CERS6: variants seen among roughly 807,000 people sequenced by gnomAD.
CERS6 encodes ceramide synthase 6.
CERS6 carries 26 observed loss-of-function variants against 56.8 expected under a neutral mutation model. The observed-to-expected ratio is 0.46, with a 90% CI of 0.34 to 0.63. The LOEUF is 0.63. CERS6 is among the 30% of genes least tolerant of loss of function. The pLI, the probability that CERS6 is intolerant of heterozygous loss-of-function variation, is 0.01. For synonymous variants in CERS6, 164 were observed against 173.3 expected, an observed-to-expected ratio of 0.95 and a Z score of 0.42; for missense variants, 415 against 467.5, an observed-to-expected ratio of 0.89 and a Z score of 1.04.
chr2:168,673,535 A>T (rs1353599018), intron 4 of CERS6, among the ~76,000 whole-genome samples: 1 of 152,204 alleles, frequency 6.6e-6, no homozygotes, highest in Non-Finnish European at 1.5e-5. Flanking sequence ...GGTGAAATTT[A>T]GGGCTTGAAG....
intron 8 of CERS6, among the ~76,000 whole-genome samples, chr2:168,748,362 C>T (rs1209990826): frequency 6.6e-6 from 1 of 152,114 alleles, no homozygotes; most frequent in East Asian, 1.9e-4. Flanking sequence ...CAAGAGAGTG[C>T]CTTGTCCTGT....
At chr2:168,676,951 C>T (rs114295337) in intron 4 of CERS6, among the ~76,000 whole-genome samples, 2,002 of 150,814 alleles carry the variant, frequency 0.013, 24 homozygotes, top group Middle Eastern at 0.031. Flanking sequence ...GTCTTGTTTC[C>T]TGCTAAGCCT....
intron 8 of CERS6, among the ~76,000 whole-genome samples, chr2:168,747,838 A>AACAC (rs35177635): frequency 0.1 from 15,570 of 149,974 alleles, 809 homozygotes; most frequent in Middle Eastern, 0.11. Context: ...CTCACACATA[A>AACAC]ACACACACAC....
At chr2:168,645,871 T>G (rs1449295689) in intron 4 of CERS6, among the ~76,000 whole-genome samples, 2 of 139,646 alleles carry the variant, frequency 1.4e-5, no homozygotes, top group Admixed American at 1.5e-4. Flanking sequence ...GACATGCTCT[T>G]GTTCTTTTTT....
At chr2:168,644,918 C>T (rs1450749092) in intron 4 of CERS6, among the ~76,000 whole-genome samples, 3 of 150,256 alleles carry the variant, frequency 2.0e-5, no homozygotes, top group East Asian at 2.0e-4. Flanking sequence ...ATGGGGAAAC[C>T]CCGTCTCTAT....
chr2:168,545,262 C>A (rs925119425), intron 1 of CERS6, among the ~76,000 whole-genome samples: 1 of 152,006 alleles, frequency 6.6e-6, no homozygotes, highest in African/African-American at 2.4e-5. Flanking sequence ...TCTCCATAGC[C>A]AGATAGCAGC....
At chr2:168,668,152 C>T (rs911242071) in intron 4 of CERS6, among the ~76,000 whole-genome samples, 1 of 152,174 alleles carries the variant, frequency 6.6e-6, no homozygotes, top group African/African-American at 2.4e-5. Flanking sequence ...GATTACCAGC[C>T]TCTTTTCTGA....
chr2:168,504,259 G>T (rs1046481676), intron 1 of CERS6, among the ~76,000 whole-genome samples: 7 of 152,026 alleles, frequency 4.6e-5, no homozygotes, highest in African/African-American at 1.4e-4. Flanking sequence ...AATTAGCTGG[G>T]TCTTTAGTGT....
At chr2:168,768,904 C>CAAAAAAAAA (rs765504573) in intron 9 of CERS6, among the ~76,000 whole-genome samples, 1 of 59,412 alleles carries the variant, frequency 1.7e-5, no homozygotes, top group Non-Finnish European at 3.6e-5. Flanking sequence ...GACTCTGACT[C>CAAAAAAAAA]AAAAAAAAAA....
rs74558296 is a variant in CERS6 at position 168,669,736 on chromosome 2, C to T, written c.466-21298C>T. Among the ~76,000 whole-genome samples the T allele has an allele frequency of 0.014, 2,202 of 152,180 alleles. 111 individuals carry two copies. The East Asian group carries it at 0.16, about 11-fold the overall frequency. On this transcript the variant is annotated intron_variant, in intron 4 of 9. Coordinates refer to ENST00000305747, the MANE Select transcript of CERS6 (RefSeq NM_203463.3). ...TTATAGCATTTGATCAAATGTTTCCCGGGAATAACAACCACTGCATAAAGT... is the reference window on the plus strand; with the variant it reads ...TTATAGCATTTGATCAAATGTTTCCTGGGAATAACAACCACTGCATAAAGT...
intron 8 of CERS6, among the ~76,000 whole-genome samples, chr2:168,743,232 A>ATG (rs1383537944): frequency 3.2e-5 from 4 of 126,276 alleles, no homozygotes; most frequent in Admixed American, 9.1e-5. Context: ...GTGTATATAT[A>ATG]TATGTGTGTG....
At chr2:168,704,620 T>C (rs989918848) in intron 6 of CERS6, among the ~76,000 whole-genome samples, 1 of 152,172 alleles carries the variant, frequency 6.6e-6, no homozygotes, top group African/African-American at 2.4e-5. Context: ...TGTTTGTTTG[T>C]TTTTTGAGAC....
chr2:168,581,670 T>C (rs1294889463), intron 3 of CERS6, among the ~76,000 whole-genome samples: 1 of 152,236 alleles, frequency 6.6e-6, no homozygotes, highest in Non-Finnish European at 1.5e-5. Flanking sequence ...TAGTTTCCTG[T>C]TCTTTGCAGA....
At chr2:168,560,368 C>A (rs1410577407) in intron 2 of CERS6, among the ~76,000 whole-genome samples, 1 of 152,156 alleles carries the variant, frequency 6.6e-6, no homozygotes, top group African/African-American at 2.4e-5. Context: ...GTTGTACATA[C>A]AGTTTCACAT....
intron 8 of CERS6, among the ~76,000 whole-genome samples, chr2:168,726,673 C>T (rs192994200): frequency 6.6e-6 from 1 of 152,188 alleles, no homozygotes; most frequent in Admixed American, 6.5e-5. Flanking sequence ...CCTACCTTAC[C>T]AAAAATGTTA....
chr2:168,531,765 G>A (rs1443291677), intron 1 of CERS6, among the ~76,000 whole-genome samples: 1 of 151,104 alleles, frequency 6.6e-6, no homozygotes, highest in Non-Finnish European at 1.5e-5. Context: ...AGGTTGCAGT[G>A]AGGCAGGATC....
intron 6 of CERS6, among the ~76,000 whole-genome samples, chr2:168,713,497 A>G (rs1156410515): frequency 2.6e-5 from 4 of 152,198 alleles, no homozygotes; most frequent in Non-Finnish European, 1.5e-5. Context: ...AAGAGACACT[A>G]TATTTCTAAG....
chr2:168,533,885 A>T (rs1695211231), intron 1 of CERS6, among the ~76,000 whole-genome samples: 1 of 151,664 alleles, frequency 6.6e-6, no homozygotes, highest in African/African-American at 2.4e-5. Context: ...TTTTTACGAG[A>T]TCCCATATTT....
chr2:168,759,906 T>G (rs1376701082), intron 8 of CERS6, among the ~76,000 whole-genome samples: 2 of 152,068 alleles, frequency 1.3e-5, no homozygotes, highest in Non-Finnish European at 2.9e-5. Flanking sequence ...TGTTTTTTTT[T>G]GTACATATGT....
Sources: allele counts gnomAD v4.1 joint callset (sites outside exome capture counted in the v4.1 genomes callset), GRCh38; gene constraint gnomAD v4.1.1; transcripts MANE v1.5; gene names NCBI Gene and HGNC (gene_info 2026-07-23, HGNC 2026-07-21).